The following XIRP2 variants were observed in gnomAD, a reference collection of about 807,000 sequenced individuals.
XIRP2 encodes the protein xin actin-binding repeat-containing protein 2.
Under a neutral mutation model 277.0 loss-of-function variants are expected in XIRP2, and 236 were observed. The observed-to-expected ratio is 0.85, with a 90% CI of 0.77 to 0.95. The LOEUF (loss-of-function observed/expected upper bound fraction) is 0.95, where lower values mean the gene tolerates loss of function less well. Among genes scored for constraint, XIRP2 ranks in the 40% least tolerant of loss-of-function variants. The pLI is 0.00. For missense variants in XIRP2, 4,640 were observed against 4,157.5 expected (o/e 1.12, Z -3.19); for synonymous variants, 1,490 against 1,416.5 (o/e 1.05, Z -1.17).
rs755857545 is a variant in XIRP2 at position 167,246,886 on chromosome 2, C to A, written c.5494C>A (p.Pro1832Thr). The A allele has an allele frequency of 3.1e-6, 5 of 1,613,290 alleles. No homozygotes were observed. The African/African-American group carries it at 5.3e-5, about 17-fold the overall frequency. The change falls in exon 9 of 11, where the codon CCC becomes ACC. Residue 1832 changes from proline (P) to threonine (T), a missense_variant. Physicochemically the swap from Pro to Thr is conservative, Grantham distance 38 (BLOSUM62 -1). Transcript: ENST00000409195. ...GCCTCAGAGTACATTTGGTAAGATA[C>A]CCAAAGAAGAGATTATAAAAGGTGA... The part of the protein sequence containing the change: ...TEPQSTFGKI[P>T]KEEIIKGDLT...
At chr2:167,076,922 C>T (rs1689588116) in intron 2 of XIRP2, among the ~76,000 whole-genome samples, 1 of 152,098 alleles carries the variant, frequency 6.6e-6, no homozygotes, top group South Asian at 2.1e-4. Context: ...AACTCTGCCA[C>T]CAGGTTCAAG....
At chr2:167,196,438 G>GTGTGTGTA (rs1553498362) in intron 3 of XIRP2, among the ~76,000 whole-genome samples, 2 of 151,566 alleles carry the variant, frequency 1.3e-5, no homozygotes, top group African/African-American at 4.9e-5. Context: ...GTGTGTGTGT[G>GTGTGTGTA]TGTGTGTGTG....
chr2:167,035,586 G>C (rs1221663575), intron 2 of XIRP2, among the ~76,000 whole-genome samples: 2 of 152,148 alleles, frequency 1.3e-5, no homozygotes, highest in Non-Finnish European at 2.9e-5. Context: ...TACTGTTAAA[G>C]GCATTAAGTT....
intron 2 of XIRP2, among the ~76,000 whole-genome samples, chr2:167,083,913 C>G (rs1316489439): frequency 6.6e-6 from 1 of 151,582 alleles, no homozygotes; most frequent in South Asian, 2.1e-4. Flanking sequence ...TCCTCTTTTC[C>G]TAATTGAATA....
At chr2:167,235,378 A>G (rs1694871499) in intron 5 of XIRP2, among the ~76,000 whole-genome samples, 1 of 151,932 alleles carries the variant, frequency 6.6e-6, no homozygotes, top group African/African-American at 2.4e-5. Context: ...ATAGGTTTAT[A>G]TGGAAGAATT....
In XIRP2 at chr2:167,045,892, C is replaced by T. The variant is rs77561770; in HGVS notation, c.409-90017C>T. ...ACAATCCCATTACAGAAATCCCGGC[C>T]GTTGCCCATTCAGTATGATGTTGAC... is the stretch of plus-strand genomic sequence containing the variant. On this transcript the variant is annotated intron_variant, in intron 2 of 10. Transcript: ENST00000409195. 2.5e-4 allele frequency among the ~76,000 whole-genome samples: 38 copies of T among 152,058 alleles called. No homozygotes were observed. The East Asian group carries it at 5.6e-3, about 22-fold the overall frequency.
At chr2:167,041,476 G>C (rs895341663) in intron 2 of XIRP2, among the ~76,000 whole-genome samples, 3 of 152,142 alleles carry the variant, frequency 2.0e-5, no homozygotes, top group African/African-American at 7.2e-5. Flanking sequence ...ATTTTAAGAA[G>C]TGAACTGACC....
At chr2:167,220,760 C>T (rs1446740873) in intron 5 of XIRP2, among the ~76,000 whole-genome samples, 1 of 152,176 alleles carries the variant, frequency 6.6e-6, no homozygotes, top group Non-Finnish European at 1.5e-5. Context: ...ACCTCTGTAC[C>T]TTGTTTCCCT....
intron 3 of XIRP2, among the ~76,000 whole-genome samples, chr2:167,178,816 G>T (rs943230678): frequency 6.6e-6 from 1 of 151,598 alleles, no homozygotes; most frequent in East Asian, 1.9e-4. Flanking sequence ...ATATCTATTC[G>T]TGTGTTACTA....
At chr2:167,234,893 C>T (rs776247003) in intron 5 of XIRP2, among the ~76,000 whole-genome samples, 3 of 151,750 alleles carry the variant, frequency 2.0e-5, no homozygotes, top group Non-Finnish European at 4.4e-5. Context: ...CCCAATGCAT[C>T]CCACTACAGT....
At chr2:167,097,720 C>T (rs1056226884) in intron 2 of XIRP2, among the ~76,000 whole-genome samples, 5 of 152,100 alleles carry the variant, frequency 3.3e-5, no homozygotes, top group Non-Finnish European at 7.3e-5. Context: ...TTGTTGCTTC[C>T]TTCAGGAGCT....
At chr2:167,091,495 G>T (rs147679021) in intron 2 of XIRP2, among the ~76,000 whole-genome samples, 45 of 152,136 alleles carry the variant, frequency 3.0e-4, no homozygotes, top group African/African-American at 1.0e-3. Context: ...TAATTATAGG[G>T]ACTGCCTTTT....
intron 2 of XIRP2, among the ~76,000 whole-genome samples, chr2:166,954,719 C>G (rs141414149): frequency 6.6e-6 from 1 of 151,984 alleles, no homozygotes; most frequent in African/African-American, 2.4e-5. Context: ...ACATATACAC[C>G]ATAGAATACT....
chr2:167,031,294 T>G (rs375120479), intron 2 of XIRP2, among the ~76,000 whole-genome samples: 1 of 152,116 alleles, frequency 6.6e-6, no homozygotes, highest in Non-Finnish European at 1.5e-5. Flanking sequence ...GTGTTGATGG[T>G]CTTTACAATA....
intron 9 of XIRP2, among the ~76,000 whole-genome samples, 190 bp from the exon 10 acceptor site, chr2:167,253,842 G>T (rs906379148): frequency 4.0e-5 from 6 of 151,700 alleles, no homozygotes; most frequent in Non-Finnish European, 7.4e-5. Flanking sequence ...GAGTAATGTA[G>T]ACCATCCTAG....
At chr2:167,224,440 T>C (rs1694533434) in intron 5 of XIRP2, among the ~76,000 whole-genome samples, 1 of 151,100 alleles carries the variant, frequency 6.6e-6, no homozygotes, top group Non-Finnish European at 1.5e-5. Flanking sequence ...AGAGATGGGG[T>C]TTCACCATTT....
In XIRP2 at chr2:167,251,929, G is replaced by A; in HGVS notation, c.10537G>A (p.Glu3513Lys). The change falls in exon 9 of 11, where the codon GAA (glutamate) becomes AAA (lysine). Residue 3513 changes from glutamate to lysine, a missense_variant. Coordinates refer to ENST00000409195, the MANE Select transcript of XIRP2 (RefSeq NM_152381.6). ...ATEMRTTFQE[E>K]SAFISEAAAP... ...TGAGATGAGAACCACCTTCCAAGAG[G>A]AATCTGCATTTATAAGTGGTAAATG... 6 of 1,558,058 alleles carry A rather than the reference G, an allele frequency of 3.9e-6. No individual in the cohort carries two copies. Among genetic ancestry groups the A allele is most frequent in the African/African-American group, 1.4e-5 (1 of 72,592 alleles).
intron 2 of XIRP2, among the ~76,000 whole-genome samples, chr2:167,094,456 A>G (rs1029196918): frequency 5.9e-5 from 9 of 152,110 alleles, no homozygotes; most frequent in Non-Finnish European, 1.3e-4. Flanking sequence ...TAGGTCTTAC[A>G]TTTAAGTCTT....
chr2:167,081,460 T>C (rs1251353310), intron 2 of XIRP2, among the ~76,000 whole-genome samples: 1 of 152,134 alleles, frequency 6.6e-6, no homozygotes, highest in Non-Finnish European at 1.5e-5. Flanking sequence ...AGAGTAAAAC[T>C]GCCTCTAAAA....
Sources: allele counts gnomAD v4.1 joint callset (sites outside exome capture counted in the v4.1 genomes callset), GRCh38; gene constraint gnomAD v4.1.1; transcripts MANE v1.5; gene names NCBI Gene and HGNC (gene_info 2026-07-23, HGNC 2026-07-21).